ROGDI: variants seen among roughly 807,000 people sequenced by gnomAD.
The protein encoded by ROGDI is protein rogdi homolog.
A neutral mutation model predicts 43.1 loss-of-function variants in ROGDI; 46 were observed. The observed-to-expected ratio is 1.07, with a 90% CI of 0.84 to 1.37. The LOEUF (loss-of-function observed/expected upper bound fraction) is 1.37, where lower values mean the gene tolerates loss of function less well. Ranked by LOEUF, ROGDI falls within the 40% of genes most tolerant of loss-of-function variation. The pLI, the probability that ROGDI is intolerant of heterozygous loss-of-function variation, is 0.00. For synonymous variants in ROGDI, 243 were observed against 162.0 expected (o/e 1.50, Z -3.80); for missense variants, 518 against 383.9 (o/e 1.35, Z -2.92).
At chr16:4,802,036 G>A (rs1448918077) in intron 2 of ROGDI, 1 of 587,838 alleles carries the variant, frequency 1.7e-6, no homozygotes, top group Non-Finnish European at 3.2e-6. Context: ...TGAGAAAAGG[G>A]AGGCCCAGGG....
intron 2 of ROGDI, chr16:4,802,019 T>C (rs1162744585): frequency 3.5e-6 from 2 of 576,928 alleles, no homozygotes; most frequent in Non-Finnish European, 6.5e-6. Context: ...TATCTCCCTT[T>C]TGCCAATGAG....
Position 4,797,970 on chromosome 16 carries a change from C to G in ROGDI, c.663G>C (p.Gly221=), listed in dbSNP as rs1441321224. The G allele has an allele frequency of 6.2e-7, 1 of 1,607,248 alleles. No homozygotes were observed. Among genetic ancestry groups the G allele is most frequent in the African/African-American group, 1.3e-5 (1 of 74,946 alleles). ...PNSTKNFRPA[G]GAVLHSPGAM... ...CCCCAGGGCTATGCAGCACCGCGCC[C>G]CCAGCTGGGCGGAAGTTCTAGGGAG... Residue 221 remains glycine, a synonymous_variant, in exon 9 of 11, where the codon GGG becomes GGC. Coordinates refer to ENST00000322048, the MANE Select transcript of ROGDI (RefSeq NM_024589.3).
intron 3 of ROGDI, 57 bp from the exon 4 acceptor site, chr16:4,801,378 C>T: frequency 6.3e-7 from 1 of 1,578,960 alleles, no homozygotes; most frequent in East Asian, 2.3e-5. Flanking sequence ...ACCCAGCCCT[C>T]CCTCCCGGCG....
At chr16:4,799,983 C>G (rs569818336) in intron 5 of ROGDI, among the ~76,000 whole-genome samples, 1 of 152,182 alleles carries the variant, frequency 6.6e-6, no homozygotes, top group African/African-American at 2.4e-5. Flanking sequence ...ACTGCCCCCT[C>G]CTTTCTAAGG....
intron 6 of ROGDI, 43 bp from the exon 7 acceptor site, chr16:4,798,710 C>G (rs2082684161): frequency 4.1e-6 from 6 of 1,461,748 alleles, no homozygotes; most frequent in Non-Finnish European, 4.6e-6. Flanking sequence ...TCCCGTGTCC[C>G]CATGCATTAA....
intron 5 of ROGDI, 60 bp downstream of exon 5, chr16:4,800,438 C>T (rs184684856): frequency 2.9e-5 from 40 of 1,395,328 alleles, no homozygotes; most frequent in African/African-American, 1.1e-4. Context: ...GGAGGCCCCG[C>T]GGCAGGCCTG....
At chr16:4,799,448 C>G in intron 6 of ROGDI, among the ~76,000 whole-genome samples, 1 of 152,140 alleles carries the variant, frequency 6.6e-6, no homozygotes, top group Non-Finnish European at 1.5e-5. Context: ...TTCACTGCTG[C>G]TACCGGCAGT....
rs747891068 is a variant in ROGDI, at chr16:4,797,980, C to G, written c.653G>C (p.Arg218Pro). 2 of 1,608,046 alleles carry G rather than the reference C, an allele frequency of 1.2e-6. No homozygotes were observed. The highest frequency in any genetic ancestry group is 2.7e-5 in the African/African-American group (2 of 74,820). Residue 218 changes from arginine to proline, a missense_variant, in exon 9 of 11, where the codon CGC becomes CCC. Physicochemically the swap from Arg to Pro is moderately radical, Grantham distance 103. Coordinates refer to ENST00000322048, the MANE Select transcript of ROGDI (RefSeq NM_024589.3). ...ATGCAGCACCGCGCCCCCAGCTGGG[C>G]GGAAGTTCTAGGGAGAACAGCACCA... ...ALQPNSTKNFRPAGGAVLHSP... is the reference protein window; with the variant it reads ...ALQPNSTKNFPPAGGAVLHSP...
rs750285547 is a variant in ROGDI at position 4,801,543 on chromosome 16, C to T, written c.160G>A (p.Gly54Arg). The T allele has an allele frequency of 2.5e-6, 4 of 1,607,258 alleles. No homozygotes were observed. Among genetic ancestry groups the T allele is most frequent in the East Asian group, 2.2e-5 (1 of 44,706 alleles). ...ATGAAGTTCTCTTGCTTGGCGGGCC[C>T]CTCAGTGCCGGAGCCCGGCAGAGTG... Reference protein sequence around the residue: ...RFTLPGSGTEGPAKQENFILG... With the variant: ...RFTLPGSGTERPAKQENFILG... The change falls in exon 3 of 11, where the codon GGG (glycine) becomes AGG (arginine). Residue 54 changes from glycine (G) to arginine (R), a missense_variant. Gly to Arg is a moderately radical substitution (Grantham distance 125). Transcript: ENST00000322048.
chr16:4,801,707 C>G, intron 2 of ROGDI, 122 bp from the exon 3 acceptor site: 1 of 926,598 alleles, frequency 1.1e-6, no homozygotes, highest in Non-Finnish European at 1.7e-6. Flanking sequence ...CCTGGCCTCA[C>G]CTGGGTTCAG....
chr16:4,802,257 T>C, intron 2 of ROGDI, 125 bp downstream of exon 2: 1 of 893,280 alleles, frequency 1.1e-6, no homozygotes, highest in Middle Eastern at 2.2e-4. Context: ...GGCGGGGCCC[T>C]GCCTGAAAGC....
intron 2 of ROGDI, 199 bp downstream of exon 2, chr16:4,802,183 C>A (rs1567605731): frequency 1.5e-6 from 1 of 649,820 alleles, no homozygotes; most frequent in South Asian, 1.6e-5. Flanking sequence ...CTAGCACCCT[C>A]GTCGGGACCC....
In ROGDI at chr16:4,797,102, C is replaced by A. The variant is rs960431144; in HGVS notation, c.*358G>T. The A allele has an allele frequency of 1.2e-4, 34 of 272,266 alleles. No homozygotes were observed. The Middle Eastern group carries it at 6.2e-3, about 49-fold the overall frequency. 16.9% of individuals were successfully genotyped at this position (272,266 alleles called of 1,614,324 possible). On this transcript the variant is annotated 3_prime_UTR_variant, in exon 11 of 11. Transcript: ENST00000322048. ...CATCCCCGGGACTCATAGCTCAGTG[C>A]CACCCCCCGACACCATGCCCTCCAG...
intron 10 of ROGDI, 57 bp from the exon 11 acceptor site, chr16:4,797,558 G>C: frequency 6.3e-7 from 1 of 1,579,016 alleles, no homozygotes; most frequent in Non-Finnish European, 8.7e-7. Context: ...GCCCAGGGGA[G>C]ATGTCAAGGT....
rs1211419981 is a variant in ROGDI at position 4,800,515 on chromosome 16, G to C, written c.319C>G (p.Gln107Glu). 2 of 1,558,638 alleles carry C rather than the reference G, an allele frequency of 1.3e-6. No individual in the cohort carries two copies. Among genetic ancestry groups the C allele is most frequent in the Middle Eastern group, 1.7e-4 (1 of 6,002 alleles). ...GGGGTCACCTGCTGCAGCTTCCACT[G>C]CTTGTCCTCCCGGAAGGCGAAGTGC... ...LLHFAFREDKQWKLQQIQDAR... is the reference protein window; with the variant it reads ...LLHFAFREDKEWKLQQIQDAR... Residue 107 changes from glutamine to glutamate, a missense_variant, in exon 5 of 11, where the codon CAG (glutamine) becomes GAG (glutamate). Physicochemically the swap from Gln to Glu is conservative, Grantham distance 29. Transcript: ENST00000322048.
chr16:4,798,847 C>G (rs1001181734), intron 6 of ROGDI, 180 bp from the exon 7 acceptor site: 14 of 603,962 alleles, frequency 2.3e-5, no homozygotes, highest in Middle Eastern at 2.5e-4. Context: ...TGGAGGAGGG[C>G]AGGATGTCTG....
chr16:4,797,783 G>T lies in ROGDI; in HGVS notation c.753C>A (p.Ile251=). ...AGACCAGGGCGTCGTTGAGCCAGGG[G>T]ATCACGCACTCCACTTTGTGCACGT... ...VSHVHKVECV[I]PWLNDALVYF... is the part of the protein sequence containing the mutation. Residue 251 remains isoleucine (I), a synonymous_variant, in exon 10 of 11, where the codon ATC becomes ATA. Transcript: ENST00000322048. 2 of 1,613,682 alleles carry T rather than the reference G, an allele frequency of 1.2e-6. No individual in the cohort carries two copies. Among genetic ancestry groups the T allele is most frequent in the Non-Finnish European group, 1.7e-6 (2 of 1,179,962 alleles).
chr16:4,799,883 C>G, intron 5 of ROGDI, 102 bp from the exon 6 acceptor site: 1 of 792,336 alleles, frequency 1.3e-6, no homozygotes, highest in Non-Finnish European at 2.1e-6. Context: ...ACTCTCCACA[C>G]TGTCATCCCT....
At chr16:4,801,343 C>T (rs1228806826) in intron 3 of ROGDI, 22 bp from the exon 4 acceptor site, 2 of 1,597,834 alleles carry the variant, frequency 1.3e-6, no homozygotes, top group Non-Finnish European at 1.7e-6. Context: ...GGCGTCAGAG[C>T]GGTGCCTGTG....
Sources: allele counts gnomAD v4.1 joint callset (sites outside exome capture counted in the v4.1 genomes callset), GRCh38; gene constraint gnomAD v4.1.1; transcripts MANE v1.5; gene names NCBI Gene and HGNC (gene_info 2026-07-23, HGNC 2026-07-21).